Variants in L3MBTL1 observed in about 807,000 individuals in gnomAD.
The protein encoded by L3MBTL1 is lethal(3)malignant brain tumor-like protein 1.
Under a neutral mutation model 105.3 loss-of-function variants are expected in L3MBTL1, and 75 were observed. The observed-to-expected ratio is 0.71, with a 90% confidence interval of 0.59 to 0.86. The LOEUF is 0.86. Ranked by LOEUF, L3MBTL1 falls within the 40% of genes least tolerant of loss-of-function variation. The probability of loss-of-function intolerance (pLI) is 0.00; values close to 1 mark genes in which losing one functional copy is unlikely to be tolerated. For missense variants in L3MBTL1, 1,069 were observed against 1,126.4 expected (o/e 0.95, Z 0.73); for synonymous variants, 452 against 436.2 (o/e 1.04, Z -0.45).
chr20:43,516,799 A>G (rs1373417282), intron 7 of L3MBTL1, among the ~76,000 whole-genome samples: 1 of 152,038 alleles, frequency 6.6e-6, no homozygotes, highest in Non-Finnish European at 1.5e-5. Context: ...TTTTAAATTA[A>G]AAGTTTTGGA....
chr20:43,535,723 T>A, intron 16 of L3MBTL1, 114 bp from the exon 17 acceptor site: 1 of 676,518 alleles, frequency 1.5e-6, no homozygotes, highest in Non-Finnish European at 2.6e-6. Context: ...AGGGCCCTCA[T>A]CCTTGGGGAG....
At chr20:43,517,868 T>A (rs113249214) in intron 7 of L3MBTL1, among the ~76,000 whole-genome samples, 50 of 152,352 alleles carry the variant, frequency 3.3e-4, no homozygotes, top group Non-Finnish European at 6.3e-4. Flanking sequence ...TTCCAACTTC[T>A]GCCCATTGTA....
In L3MBTL1 at chr20:43,514,669, C is replaced by A; in HGVS notation, c.395C>A (p.Ala132Glu). The A allele has an allele frequency of 6.3e-7, 1 of 1,591,592 alleles. No individual in the cohort carries two copies. Among genetic ancestry groups the A allele is most frequent in the South Asian group, 1.1e-5 (1 of 87,986 alleles). The stretch of plus-strand genomic sequence containing the variant: ...AGCGAGTATAAGCCGCTGAACATGG[C>A]GGGAGTGGAGCAGCCCCCGAGCCCC... ...RISEYKPLNM[A>E]GVEQPPSPEL... Residue 132 changes from alanine to glutamate, a missense_variant, in exon 4 of 22, where the codon GCG becomes GAG. By Grantham distance (107) the Ala-to-Glu change is moderately radical. Transcript: ENST00000418998.
rs752827238 is a variant in L3MBTL1 at position 43,535,913 on chromosome 20, C to T, written c.1902C>T (p.Thr634=). The T allele has an allele frequency of 1.9e-6, 3 of 1,613,382 alleles. No homozygotes were observed. The highest frequency in any genetic ancestry group is 2.5e-6 in the Non-Finnish European group (3 of 1,179,628). ...ATAGGAGCCTGCCCCACACTAGGAC[C>T]TCCAAATACAGCTTTCACCACCGGT... ...LSYRSLPHTR[T]SKYSFHHRKC... Residue 634 remains threonine, a synonymous_variant, in exon 17 of 22, where the codon ACC becomes ACT. Coordinates refer to ENST00000418998, the MANE Select transcript of L3MBTL1 (RefSeq NM_001377303.1).
intron 1 of L3MBTL1, among the ~76,000 whole-genome samples, chr20:43,508,150 T>C (rs1236668839): frequency 1.3e-5 from 2 of 152,106 alleles, no homozygotes; most frequent in African/African-American, 2.4e-5. Flanking sequence ...ACCATTAATT[T>C]TGGATTTTTA....
intron 9 of L3MBTL1, among the ~76,000 whole-genome samples, chr20:43,529,750 T>G (rs2019228733): frequency 6.6e-6 from 1 of 152,158 alleles, no homozygotes; most frequent in South Asian, 2.1e-4. Flanking sequence ...GTTGGGTCAG[T>G]TCTGTCTGAG....
intron 9 of L3MBTL1, among the ~76,000 whole-genome samples, chr20:43,529,736 C>T (rs2019227920): frequency 6.6e-6 from 1 of 152,144 alleles, no homozygotes; most frequent in African/African-American, 2.4e-5. Flanking sequence ...AGCTGGGAGG[C>T]ACAGTTGGGT....
rs6065618 is a variant in L3MBTL1, at chr20:43,528,907, C to A, written c.951+162C>A. 3 of 635,788 alleles carry A rather than the reference C, an allele frequency of 4.7e-6. No homozygotes were observed. The African/African-American group carries it at 5.5e-5, about 12-fold the overall frequency. The allele number at this position is 635,788 out of a possible 1,614,324, so 39.4% of individuals were successfully genotyped here. On this transcript the variant is annotated intron_variant, in intron 8 of 21. Coordinates refer to ENST00000418998, the MANE Select transcript of L3MBTL1 (RefSeq NM_001377303.1). ...AGGGGCCCAGAGTGGAAAAGGGCCC[C>A]CCATAAGGGGCTGGCAGGGTGGGAA...
chr20:43,524,339 G>A (rs1199107701), intron 7 of L3MBTL1, among the ~76,000 whole-genome samples: 1 of 151,956 alleles, frequency 6.6e-6, no homozygotes, highest in African/African-American at 2.4e-5. Context: ...TATTTCCATC[G>A]TTGTTCTTTT....
chr20:43,549,982 A>G (rs8120232), exon 19 of L3MBTL1: 191 of 152,268 alleles, frequency 1.3e-3, no homozygotes, highest in African/African-American at 4.4e-3. Context: ...ACAGGGCTTT[A>G]GGTGTCCATT....
intron 19 of L3MBTL1, chr20:43,539,117 G>A (rs1182673200): frequency 6.6e-6 from 1 of 152,466 alleles, no homozygotes; most frequent in East Asian, 1.9e-4. Context: ...GTGAATGGAG[G>A]TGGAAAAGCC....
chr20:43,547,891 T>G (rs1317377101), intron 18 of L3MBTL1, among the ~76,000 whole-genome samples: 1 of 152,118 alleles, frequency 6.6e-6, no homozygotes, highest in African/African-American at 2.4e-5. Context: ...TTTCTTTCCT[T>G]CTCCGTCCCC....
intron 7 of L3MBTL1, among the ~76,000 whole-genome samples, chr20:43,523,838 A>G (rs1294560602): frequency 2.6e-5 from 4 of 152,116 alleles, no homozygotes; most frequent in Admixed American, 1.3e-4. Flanking sequence ...TACTAAAAAT[A>G]CAAAAAATTA....
intron 12 of L3MBTL1, 143 bp downstream of exon 12, chr20:43,533,067 G>A: frequency 1.2e-6 from 1 of 836,684 alleles, no homozygotes; most frequent in East Asian, 2.7e-5. Flanking sequence ...ATTGAATTGA[G>A]CTTTATCATA....
At position 43,507,754 on chromosome 20, in the gene L3MBTL1, C is replaced by G. The variant is rs1057145799; in HGVS notation, c.-29+10C>G. ...CCGGCTGGCCAGGCAGGTAAGCAACCAGCGGTGCGTGGGCTCAGACCTTGC... is the reference window on the plus strand; with the variant it reads ...CCGGCTGGCCAGGCAGGTAAGCAACGAGCGGTGCGTGGGCTCAGACCTTGC... On this transcript the variant is annotated intron_variant, in intron 1 of 21. Coordinates refer to ENST00000418998, the MANE Select transcript of L3MBTL1 (RefSeq NM_001377303.1). 1 of 152,150 alleles carries G rather than the reference C, an allele frequency of 6.6e-6. No individual in the cohort carries two copies. The highest frequency in any genetic ancestry group is 6.5e-5 in the Admixed American group (1 of 15,276). The allele number at this position is 152,150 out of a possible 1,614,324, so 9.4% of individuals were successfully genotyped here.
intron 7 of L3MBTL1, among the ~76,000 whole-genome samples, chr20:43,518,741 G>T (rs1397935285): frequency 1.3e-5 from 2 of 150,972 alleles, no homozygotes; most frequent in Non-Finnish European, 2.9e-5. Flanking sequence ...GGGCACGGTG[G>T]CTCATGCCTG....
chr20:43,544,000 G>A (rs1391033503), downstream of L3MBTL1, among the ~76,000 whole-genome samples: 1 of 152,248 alleles, frequency 6.6e-6, no homozygotes, highest in African/African-American at 2.4e-5. Flanking sequence ...TGGTAGGGGA[G>A]ACAGAATTGT....
At position 43,534,298 on chromosome 20, in the gene L3MBTL1, C is replaced by T; in HGVS notation, c.1614C>T (p.Ser538=). 1 of 1,613,998 alleles carries T rather than the reference C, an allele frequency of 6.2e-7. No individual in the cohort carries two copies. Among genetic ancestry groups the T allele is most frequent in the Non-Finnish European group, 8.5e-7 (1 of 1,179,964 alleles). The change falls in exon 15 of 22, where the codon AGC becomes AGT. Residue 538 remains serine (S), a synonymous_variant. Coordinates refer to ENST00000418998, the MANE Select transcript of L3MBTL1 (RefSeq NM_001377303.1). Reference sequence around the variant, plus strand: ...CCCCTCTGCAGCGACCCCCTCACAGCTTCCTGGTCAATATGAAGCTGGAGG... The same window carrying T: ...CCCCTCTGCAGCGACCCCCTCACAGTTTCCTGGTCAATATGAAGCTGGAGG... ...TWAFKVRPPH[S]FLVNMKLEAV... is the part of the protein sequence containing the mutation.
chr20:43,548,278 G>A (rs188886580), exon 19 of L3MBTL1: 1 of 1,298,536 alleles, frequency 7.7e-7, no homozygotes, highest in Non-Finnish European at 1.0e-6. Flanking sequence ...TGCAGCCCCT[G>A]CTTGGCCTCC....
Sources: allele counts gnomAD v4.1 joint callset (sites outside exome capture counted in the v4.1 genomes callset), GRCh38; gene constraint gnomAD v4.1.1; transcripts MANE v1.5; gene names NCBI Gene and HGNC (gene_info 2026-07-23, HGNC 2026-07-21).